Variants in ABCA4 observed in about 807,000 individuals in gnomAD.
ABCA4 encodes retinal-specific phospholipid-transporting ATPase ABCA4.
A neutral mutation model predicts 263.7 loss-of-function variants in ABCA4; 196 were observed. The observed-to-expected ratio is 0.74, with a 90% CI of 0.66 to 0.84. ABCA4 has a LOEUF of 0.84. ABCA4 is among the 40% of genes least tolerant of loss of function. The probability of loss-of-function intolerance (pLI) is 0.00; values close to 1 mark genes in which losing one functional copy is unlikely to be tolerated. For missense variants in ABCA4, 2,792 were observed against 2,855.1 expected, an observed-to-expected ratio of 0.98 and a Z score of 0.50; for synonymous variants, 1,133 against 1,094.2, an observed-to-expected ratio of 1.04 and a Z score of -0.70.
chr1:94,057,493 A>G (rs1661014267), intron 14 of ABCA4, among the ~76,000 whole-genome samples: 1 of 152,160 alleles, frequency 6.6e-6, no homozygotes, highest in African/African-American at 2.4e-5. Flanking sequence ...ACTCCAGAGG[A>G]GCTTCAACAT....
chr1:94,006,847 A>G (rs1659402874), intron 43 of ABCA4, among the ~76,000 whole-genome samples: 1 of 152,194 alleles, frequency 6.6e-6, no homozygotes, highest in African/African-American at 2.4e-5. Flanking sequence ...CTTATAAACC[A>G]GGGCAGAGGC....
chr1:94,004,490 C>A (rs992527500), intron 44 of ABCA4, among the ~76,000 whole-genome samples: 1 of 152,204 alleles, frequency 6.6e-6, no homozygotes, highest in Non-Finnish European at 1.5e-5. Flanking sequence ...TCTTCTCCCC[C>A]GCTCCACCCT....
chr1:94,040,477 A>C (rs1041032414), intron 23 of ABCA4, among the ~76,000 whole-genome samples: 1 of 152,206 alleles, frequency 6.6e-6, no homozygotes, highest in Non-Finnish European at 1.5e-5. Flanking sequence ...GCAGCCAGAC[A>C]CTTAAACCAG....
intron 37 of ABCA4, 104 bp from the exon 38 acceptor site, chr1:94,014,794 T>A (rs1659677289): frequency 6.8e-7 from 1 of 1,469,520 alleles, no homozygotes. Flanking sequence ...GTGATGTGTG[T>A]GAACTGGCCA....
In ABCA4 at chr1:94,060,734, A is replaced by T; in HGVS notation, c.1963T>A (p.Phe655Ile). Reference sequence around the variant, plus strand: ...CATGCCAGCACCATGAAGATAGGGAAACAGCGGTTCAGGATGATCATGAAA... The same window carrying T: ...CATGCCAGCACCATGAAGATAGGGATACAGCGGTTCAGGATGATCATGAAA... Reference protein sequence around the residue: ...DSFMIILNRCFPIFMVLAWIY... With the variant: ...DSFMIILNRCIPIFMVLAWIY... Residue 655 changes from phenylalanine (F) to isoleucine (I), a missense_variant, in exon 14 of 50, where the codon TTC becomes ATC. Physicochemically the swap from Phe to Ile is conservative, Grantham distance 21. Transcript: ENST00000370225. 6.2e-7 allele frequency: 1 copy of T among 1,613,522 alleles called. No homozygotes were observed. Among genetic ancestry groups the T allele is most frequent in the Non-Finnish European group, 8.5e-7 (1 of 1,179,714 alleles).
At position 94,042,785 on chromosome 1, in the gene ABCA4, C is replaced by T. The variant is rs138641544; in HGVS notation, c.3304G>A (p.Asp1102Asn). The T allele has an allele frequency of 4.3e-5, 70 of 1,614,076 alleles. No homozygotes were observed. The highest frequency in any genetic ancestry group is 5.7e-5 in the Non-Finnish European group (67 of 1,180,048). Residue 1102 changes from aspartate to asparagine, a missense_variant, in exon 22 of 50, where the codon GAT (aspartate) becomes AAT (asparagine). Coordinates refer to ENST00000370225, the MANE Select transcript of ABCA4 (RefSeq NM_000350.3). ...VDPYSRRSIW[D>N]LLLKYRSGRT... ...CCTGAGCGATACTTCAGGAGCAGAT[C>T]CCAGATTGAGCGTCTCGAGTAAGGG...
At chr1:94,044,254 C>G (rs781750579) in intron 20 of ABCA4, among the ~76,000 whole-genome samples, 2 of 152,164 alleles carry the variant, frequency 1.3e-5, no homozygotes, top group African/African-American at 4.8e-5. Context: ...CCTTTCAGGC[C>G]GTGGCTTCAA....
At chr1:94,042,085 C>T (rs1159271359) in intron 22 of ABCA4, among the ~76,000 whole-genome samples, 15 of 110,788 alleles carry the variant, frequency 1.4e-4, no homozygotes, top group East Asian at 8.1e-4. Context: ...CGCGACAGAG[C>T]GAGATTCTGT....
At chr1:94,056,236 C>T (rs1327292757) in intron 15 of ABCA4, among the ~76,000 whole-genome samples, 2 of 152,180 alleles carry the variant, frequency 1.3e-5, no homozygotes, top group African/African-American at 4.8e-5. Flanking sequence ...TCTCTTTAGA[C>T]AGATAGTAAA....
At chr1:94,094,585 A>C (rs1187532326) in intron 6 of ABCA4, among the ~76,000 whole-genome samples, 2 of 152,196 alleles carry the variant, frequency 1.3e-5, no homozygotes, top group Non-Finnish European at 2.9e-5. Context: ...AGGAGGGGGA[A>C]GGGAGGGAGA....
chr1:94,032,137 C>A, intron 26 of ABCA4, 94 bp from the exon 27 acceptor site: 1 of 1,479,890 alleles, frequency 6.8e-7, no homozygotes, highest in South Asian at 1.2e-5. Flanking sequence ...ATTGATTTTC[C>A]TCTTCATTTA....
chr1:94,050,118 G>A (rs1361935317), intron 17 of ABCA4, among the ~76,000 whole-genome samples: 1 of 152,168 alleles, frequency 6.6e-6, no homozygotes, highest in Non-Finnish European at 1.5e-5. Context: ...AGCAGGTAGT[G>A]GGCCTGCTGG....
chr1:94,049,062 G>T, intron 17 of ABCA4, 105 bp from the exon 18 acceptor site: 1 of 1,033,128 alleles, frequency 9.7e-7, no homozygotes, highest in Non-Finnish European at 1.5e-6. Flanking sequence ...TTCCTAGCCA[G>T]CCTTTGACCT....
intron 11 of ABCA4, among the ~76,000 whole-genome samples, chr1:94,076,359 G>A (rs558344878): frequency 6.6e-6 from 1 of 152,344 alleles, no homozygotes; most frequent in African/African-American, 2.4e-5. Flanking sequence ...ATGAAGCTGA[G>A]CAGAGGCGAG....
rs1488783322 is a variant in ABCA4, at chr1:93,997,946, A to G, written c.6644T>C (p.Leu2215Pro). ...GAGGAGGAGCTGGAAGATCCTCGCC[A>G]GGGAGGAGGAGGAGACCTGGAACTG... ...MLQFQVSSSS[L>P]ARIFQLLLSH... The change falls in exon 48 of 50, where the codon CTG (leucine) becomes CCG (proline). Residue 2215 changes from leucine (L) to proline (P), a missense_variant. Physicochemically the swap from Leu to Pro is moderately conservative, Grantham distance 98. Coordinates refer to ENST00000370225, the MANE Select transcript of ABCA4 (RefSeq NM_000350.3). The G allele has an allele frequency of 6.2e-7, 1 of 1,614,038 alleles. No individual in the cohort carries two copies. The highest frequency in any genetic ancestry group is 8.5e-7 in the Non-Finnish European group (1 of 1,180,024).
In ABCA4 at chr1:93,998,102, T is replaced by C. The variant is rs2100988405; in HGVS notation, c.6488A>G (p.Asp2163Gly). The change falls in exon 48 of 50, where the codon GAT (aspartate) becomes GGT (glycine). Residue 2163 changes from aspartate (D) to glycine (G), a missense_variant. Coordinates refer to ENST00000370225, the MANE Select transcript of ABCA4 (RefSeq NM_000350.3). ...GATCTTCATTGTGACGATATAGCCA[T>C]CTCCAAATCTAGGGGATGCACACAG... ...TIQHLKSKFG[D>G]GYIVTMKIKS... 1 of 1,614,162 alleles carries C rather than the reference T, an allele frequency of 6.2e-7. No individual in the cohort carries two copies. Among genetic ancestry groups the C allele is most frequent in the Non-Finnish European group, 8.5e-7 (1 of 1,180,008 alleles).
In ABCA4 at chr1:94,014,544, C is replaced by T. The variant is rs62646875; in HGVS notation, c.5459G>A (p.Arg1820Gln). 49 of 1,614,036 alleles carry T rather than the reference C, an allele frequency of 3.0e-5. No individual in the cohort carries two copies. Among genetic ancestry groups the T allele is most frequent in the Middle Eastern group, 1.6e-4 (1 of 6,084 alleles). The change falls in exon 38 of 50, where the codon CGG (arginine) becomes CAG (glutamine). Residue 1820 changes from arginine to glutamine, a missense_variant and splice_region_variant. Coordinates refer to ENST00000370225, the MANE Select transcript of ABCA4 (RefSeq NM_000350.3). ...AAAAGCCAAGAAAGTTATGCTCACC[C>T]GGTTATTCTCAAATAATTCCAAGAT... ...TFILELFENN[R>Q]TLLRFNAVLR...
At chr1:94,119,743 C>T (rs1297617031) in intron 1 of ABCA4, among the ~76,000 whole-genome samples, 1 of 152,170 alleles carries the variant, frequency 6.6e-6, no homozygotes. Flanking sequence ...TCTCAGGTAC[C>T]AGCTCTGTAC....
At chr1:94,022,777 C>T (rs1048368685) in intron 32 of ABCA4, among the ~76,000 whole-genome samples, 3 of 152,148 alleles carry the variant, frequency 2.0e-5, no homozygotes, top group Admixed American at 1.3e-4. Context: ...CTGTCTCAGC[C>T]GAGGCCCCAC....
Sources: allele counts gnomAD v4.1 joint callset (sites outside exome capture counted in the v4.1 genomes callset), GRCh38; gene constraint gnomAD v4.1.1; transcripts MANE v1.5; gene names NCBI Gene and HGNC (gene_info 2026-07-23, HGNC 2026-07-21).